YIPF6: variants seen among roughly 807,000 people sequenced by gnomAD.
YIPF6 encodes the protein Yip1 domain family member 6.
In YIPF6, 3 loss-of-function variants were observed where a neutral mutation model predicts 16.8. That is an observed-to-expected ratio of 0.18 (90% CI 0.08 to 0.46). The LOEUF is 0.46. Among genes scored for constraint, YIPF6 ranks in the 20% least tolerant of loss-of-function variants. The pLI, the probability that YIPF6 is intolerant of heterozygous loss-of-function variation, is 0.98. For synonymous variants in YIPF6, 67 were observed against 61.9 expected (o/e 1.08, Z -0.38); for missense variants, 145 against 184.9 (o/e 0.78, Z 1.25).
intron 1 of YIPF6, among the ~76,000 whole-genome samples, chrX:68,506,895 G>C (rs899562466): frequency 9.0e-6 from 1 of 111,409 alleles, no homozygotes; most frequent in Non-Finnish European, 1.9e-5. Flanking sequence ...AACTATAGGT[G>C]TGTGCCACAG....
chrX:68,517,389 C>T (rs1055159269), intron 3 of YIPF6, among the ~76,000 whole-genome samples: 2 of 110,977 alleles, frequency 1.8e-5, no homozygotes, highest in African/African-American at 6.6e-5. Context: ...TCAGGCCATC[C>T]GCCCGCCTCG....
intron 3 of YIPF6, chrX:68,514,135 G>T (rs981719751): frequency 1.9e-5 from 2 of 105,547 alleles, no homozygotes; most frequent in Non-Finnish European, 3.9e-5. Context: ...GGAGGCTGAG[G>T]TGGGAGGATT....
intron 1 of YIPF6, among the ~76,000 whole-genome samples, chrX:68,506,343 A>G (rs1210678926): frequency 9.0e-6 from 1 of 110,911 alleles, no homozygotes; most frequent in Non-Finnish European, 1.9e-5. Context: ...TACTTTCTTT[A>G]TTATTTTGAA....
intron 1 of YIPF6, among the ~76,000 whole-genome samples, chrX:68,508,309 G>A (rs1404443792): frequency 9.1e-6 from 1 of 109,759 alleles, no homozygotes; most frequent in Non-Finnish European, 1.9e-5. Context: ...TCGCCATGTT[G>A]CCCAGGCTGG....
intron 1 of YIPF6, among the ~76,000 whole-genome samples, chrX:68,509,218 T>C (rs759050642): frequency 9.1e-6 from 1 of 109,472 alleles, no homozygotes; most frequent in Admixed American, 9.9e-5. Flanking sequence ...CAAGTGATCC[T>C]CCCACTTTAG....
At chrX:68,527,167 T>G (rs955536332) in intron 6 of YIPF6, among the ~76,000 whole-genome samples, 1 of 111,923 alleles carries the variant, frequency 8.9e-6, no homozygotes, top group African/African-American at 3.3e-5. Context: ...TATTGGTCTA[T>G]TCAGGGATTC....
rs1336759351 is a variant in YIPF6, at chrX:68,513,331, G to A, written c.191G>A (p.Arg64His). 22 of 1,203,104 alleles carry A rather than the reference G, an allele frequency of 1.8e-5. No individual in the cohort carries two copies. The highest frequency in any genetic ancestry group is 2.2e-5 in the Non-Finnish European group (20 of 890,930). Residue 64 changes from arginine to histidine, a missense_variant, in exon 3 of 7, where the codon CGT becomes CAT. Transcript: ENST00000462683. ...LNESVRNTIM[R>H]DLKAVGKKFM... Reference sequence around the variant, plus strand: ...CAAGTTGTTTCTGTCTTTCAGATGCGTGATCTAAAAGCTGTTGGGAAAAAA... The same window carrying A: ...CAAGTTGTTTCTGTCTTTCAGATGCATGATCTAAAAGCTGTTGGGAAAAAA...
intron 1 of YIPF6, 138 bp downstream of exon 1, chrX:68,499,261 AG>A: frequency 1.2e-6 from 1 of 803,738 alleles, no homozygotes; most frequent in East Asian, 3.6e-5. Context: ...TGCCAGAACC[AG>A]TCCCAACACT....
At position 68,532,103 on chromosome X, in the gene YIPF6, T is replaced by C. The variant is rs759729187; in HGVS notation, c.*104T>C. On this transcript the variant is annotated 3_prime_UTR_variant, in exon 7 of 7. Transcript: ENST00000462683. Reference sequence around the variant, plus strand: ...GCCCTTATTTGTCTAATTTTGGAGGTATTTGATAACTGAGTAGGTGAGGAG... The same window carrying C: ...GCCCTTATTTGTCTAATTTTGGAGGCATTTGATAACTGAGTAGGTGAGGAG... The C allele has an allele frequency of 4.8e-6, 3 of 628,385 alleles. No individual in the cohort carries two copies. The highest frequency in any genetic ancestry group is 2.2e-5 in the African/African-American group (1 of 45,003). The allele number at this position is 628,385 out of a possible 1,213,427, so 51.8% of individuals were successfully genotyped here.
Position 68,534,357 on chromosome X carries a change from A to G in YIPF6, c.*2358A>G, listed in dbSNP as rs930633904. On this transcript the variant is annotated 3_prime_UTR_variant, in exon 7 of 7. Transcript: ENST00000462683. ...ATTACTGAAAATGTCAAATCCTAGA[A>G]AACGTAGCATGCCTATACATGATGT... is the stretch of plus-strand genomic sequence containing the variant. The G allele has an allele frequency of 9.0e-6, 1 of 111,569 alleles. No individual in the cohort carries two copies. The highest frequency in any genetic ancestry group is 1.9e-5 in the Non-Finnish European group (1 of 53,056). The allele number at this position is 111,569 out of a possible 1,213,427, so 9.2% of individuals were successfully genotyped here.
intron 1 of YIPF6, among the ~76,000 whole-genome samples, chrX:68,501,898 A>T (rs75586453): frequency 1.8e-5 from 2 of 111,449 alleles, no homozygotes; most frequent in East Asian, 5.6e-4. Context: ...AACTAGTGGG[A>T]TATTGGGGAA....
rs1395078439 is a variant in YIPF6, at chrX:68,531,911, C to T, written c.623C>T (p.Pro208Leu). The T allele has an allele frequency of 1.7e-6, 2 of 1,192,557 alleles. No homozygotes were observed. Among genetic ancestry groups the T allele is most frequent in the Non-Finnish European group, 2.3e-6 (2 of 883,737 alleles). ...ASTAFLADSQPPNRRALAVYP... is the reference protein window; with the variant it reads ...ASTAFLADSQLPNRRALAVYP... ...ACAGCTTTCCTTGCTGATAGCCAGC[C>T]TCCAAACCGCAGAGCCCTAGCTGTT... Residue 208 changes from proline (P) to leucine (L), a missense_variant, in exon 7 of 7, where the codon CCT (proline) becomes CTT (leucine). Coordinates refer to ENST00000462683, the MANE Select transcript of YIPF6 (RefSeq NM_173834.4).
Position 68,533,105 on chromosome X carries a change from G to A in YIPF6, c.*1106G>A, listed in dbSNP as rs2079178269. On this transcript the variant is annotated 3_prime_UTR_variant, in exon 7 of 7. Coordinates refer to ENST00000462683, the MANE Select transcript of YIPF6 (RefSeq NM_173834.4). Reference sequence around the variant, plus strand: ...TACAGCTGCTGCCTTTTCATGGTGAGCTTAGCAGTTTTCTCATTAGATGTG... The same window carrying A: ...TACAGCTGCTGCCTTTTCATGGTGAACTTAGCAGTTTTCTCATTAGATGTG... The A allele has an allele frequency of 8.9e-6, 1 of 112,129 alleles. No homozygotes were observed. Among genetic ancestry groups the A allele is most frequent in the South Asian group, 3.7e-4 (1 of 2,722 alleles). The allele number at this position is 112,129 out of a possible 1,213,427, so 9.2% of individuals were successfully genotyped here. A position where few individuals can be genotyped will look rare whatever the true frequency, so the allele number is the denominator to read the frequency against.
intron 6 of YIPF6, among the ~76,000 whole-genome samples, chrX:68,530,677 C>G (rs2079167453): frequency 9.1e-6 from 1 of 110,493 alleles, no homozygotes; most frequent in Non-Finnish European, 1.9e-5. Context: ...ATGCACCGTT[C>G]CTCATGGCAC....
At chrX:68,511,009 T>C (rs764486293) in intron 1 of YIPF6, among the ~76,000 whole-genome samples, 1 of 113,182 alleles carries the variant, frequency 8.8e-6, no homozygotes, top group Non-Finnish European at 1.9e-5. Context: ...TCTGCAACTG[T>C]TGCCCATTAA....
chrX:68,511,940 A>G lies in YIPF6; in HGVS notation c.149A>G (p.Asp50Gly). 1 of 1,210,221 alleles carries G rather than the reference A, an allele frequency of 8.3e-7. No homozygotes were observed. The highest frequency in any genetic ancestry group is 1.8e-5 in the South Asian group (1 of 56,676). ...ATGAGATCTCGCATCCGGGAGTTTGACAGCTCCACATTAAATGAATCTGTT... is the reference window on the plus strand; with the variant it reads ...ATGAGATCTCGCATCCGGGAGTTTGGCAGCTCCACATTAAATGAATCTGTT... ...IPMRSRIREFDSSTLNESVRN... is the reference protein window; with the variant it reads ...IPMRSRIREFGSSTLNESVRN... The change falls in exon 2 of 7, where the codon GAC becomes GGC. Residue 50 changes from aspartate (D) to glycine (G), a missense_variant. Asp to Gly is a moderately conservative substitution (Grantham distance 94). Transcript: ENST00000462683.
intron 1 of YIPF6, among the ~76,000 whole-genome samples, chrX:68,499,701 G>A (rs896644642): frequency 8.9e-6 from 1 of 111,789 alleles, no homozygotes; most frequent in Non-Finnish European, 1.9e-5. Flanking sequence ...GCAGTGGCGC[G>A]GTCTCTGCTC....
At chrX:68,521,627 G>A in intron 5 of YIPF6, 130 bp downstream of exon 5, 1 of 689,839 alleles carries the variant, frequency 1.4e-6, no homozygotes, top group South Asian at 3.4e-5. Context: ...AGGCTCGAGT[G>A]CATTGGTGTG....
chrX:68,526,969 C>T (rs1223904249), intron 6 of YIPF6, among the ~76,000 whole-genome samples: 1 of 111,668 alleles, frequency 9.0e-6, no homozygotes, highest in African/African-American at 3.3e-5. Context: ...GTTTTGGTTT[C>T]AGGATGATGC....
Sources: allele counts gnomAD v4.1 joint callset (sites outside exome capture counted in the v4.1 genomes callset), GRCh38; gene constraint gnomAD v4.1.1; transcripts MANE v1.5; gene names NCBI Gene and HGNC (gene_info 2026-07-23, HGNC 2026-07-21).